Variants in CMIP observed in about 807,000 individuals in gnomAD.
CMIP encodes C-Maf-inducing protein.
Under a neutral mutation model 97.3 loss-of-function variants are expected in CMIP, and 13 were observed. The ratio of observed to expected loss-of-function variants is 0.13; its 90% CI spans 0.09 to 0.21. The LOEUF (loss-of-function observed/expected upper bound fraction) is 0.21. Among genes scored for constraint, CMIP ranks in the 10% least tolerant of loss-of-function variants. CMIP has a pLI of 1.00. For missense variants in CMIP, 847 were observed against 1,024.9 expected (o/e 0.83, Z 2.37); for synonymous variants, 538 against 436.3 (o/e 1.23, Z -2.91).
chr16:81,660,115 C>T (rs555216217), intron 5 of CMIP, among the ~76,000 whole-genome samples: 5 of 152,106 alleles, frequency 3.3e-5, no homozygotes, highest in South Asian at 4.2e-4. Flanking sequence ...AGCTGTGGTC[C>T]GGCTCACTAT....
chr16:81,531,653 C>T (rs2090238490), intron 1 of CMIP, among the ~76,000 whole-genome samples: 1 of 152,184 alleles, frequency 6.6e-6, no homozygotes, highest in Non-Finnish European at 1.5e-5. Flanking sequence ...CTGGGCCTGC[C>T]GCCCGACCTT....
chr16:81,652,158 C>G lies in CMIP; in HGVS notation c.478-45C>G, dbSNP rs2092435533. 6.6e-7 allele frequency: 1 copy of G among 1,508,960 alleles called. No individual in the cohort carries two copies. The highest frequency in any genetic ancestry group is 1.7e-5 in the Admixed American group (1 of 59,232). 93.5% of individuals were successfully genotyped at this position (1,508,960 alleles called of 1,614,324 possible). Reference sequence around the variant, plus strand: ...TGATTGTCTTCCATCTTCTGCCTTCCTTACGTGAGTAACATGTTGCTGTCT... The same window carrying G: ...TGATTGTCTTCCATCTTCTGCCTTCGTTACGTGAGTAACATGTTGCTGTCT... On this transcript the variant is annotated intron_variant, in intron 3 of 20. Coordinates refer to ENST00000537098, the MANE Select transcript of CMIP (RefSeq NM_198390.3). This position sits in a 1 kb window ranked among gnomAD's most constrained non-coding sequence, Gnocchi z 5.2.
Position 81,468,132 on chromosome 16 carries a change from C to T in CMIP, c.300+22591C>T, listed in dbSNP as rs112320935. Among the ~76,000 whole-genome samples, 322 of 152,262 alleles carry T rather than the reference C, an allele frequency of 2.1e-3. 1 individual carries two copies. Among genetic ancestry groups the T allele is most frequent in the Middle Eastern group, 0.017 (5 of 294 alleles). On this transcript the variant is annotated intron_variant, in intron 1 of 20. Transcript: ENST00000537098. ...AGTCTTTGAAATGCACGATCAGGGG[C>T]AACCTTTTGGGTAGCTTTTTGGAGC...
At position 81,614,393 on chromosome 16, in the gene CMIP, C is replaced by T. The variant is rs1409092335; in HGVS notation, c.427-6483C>T. The stretch of plus-strand genomic sequence containing the variant: ...GTGCACGGGTTCTCAGGGGCTCCCA[C>T]GCGCGGGCCACGGGTCACTTCAGCA... On this transcript the variant is annotated intron_variant, in intron 2 of 20. Coordinates refer to ENST00000537098, the MANE Select transcript of CMIP (RefSeq NM_198390.3). This position sits in a 1 kb window ranked among gnomAD's most constrained non-coding sequence, Gnocchi z 5.3. 2.6e-5 allele frequency among the ~76,000 whole-genome samples: 4 copies of T among 152,176 alleles called. No homozygotes were observed. Among genetic ancestry groups the T allele is most frequent in the Non-Finnish European group, 5.9e-5 (4 of 68,024 alleles).
At chr16:81,696,776 C>G (rs9933631) in intron 14 of CMIP, 109 bp downstream of exon 14, 7 of 999,676 alleles carry the variant, frequency 7.0e-6, no homozygotes, top group Non-Finnish European at 8.7e-6. Context: ...CGGAGTTTCC[C>G]GGCTAACACA....
intron 1 of CMIP, among the ~76,000 whole-genome samples, chr16:81,495,022 A>T (rs1205778626): frequency 6.6e-6 from 1 of 152,162 alleles, no homozygotes; most frequent in Non-Finnish European, 1.5e-5. Flanking sequence ...CACAATTCTG[A>T]TGACAAAACC....
At chr16:81,668,382 G>C (rs1384716829) in intron 7 of CMIP, among the ~76,000 whole-genome samples, 1 of 152,144 alleles carries the variant, frequency 6.6e-6, no homozygotes, top group African/African-American at 2.4e-5. Context: ...TGTCCGGCCC[G>C]TGCCTCTCTC....
intron 9 of CMIP, among the ~76,000 whole-genome samples, chr16:81,676,421 A>G (rs796302838): frequency 6.6e-6 from 1 of 151,586 alleles, no homozygotes; most frequent in Admixed American, 6.6e-5. Flanking sequence ...AGAACAGACA[A>G]CTTGACCCAG....
chr16:81,568,328 C>T (rs1417121712), intron 1 of CMIP, among the ~76,000 whole-genome samples: 5 of 152,296 alleles, frequency 3.3e-5, no homozygotes, highest in Non-Finnish European at 5.9e-5. Flanking sequence ...CCACTGCCTA[C>T]GTGCCTGCCC....
intron 1 of CMIP, among the ~76,000 whole-genome samples, chr16:81,449,468 C>T (rs1205032690): frequency 6.6e-6 from 1 of 152,236 alleles, no homozygotes; most frequent in Middle Eastern, 3.2e-3. Flanking sequence ...AAGAGTTACA[C>T]ATCCACATGG....
chr16:81,507,048 C>G (rs944657054), intron 1 of CMIP, among the ~76,000 whole-genome samples: 2 of 152,108 alleles, frequency 1.3e-5, no homozygotes, highest in South Asian at 2.1e-4. Context: ...GTCAGGAGAT[C>G]GAGACCATCC....
chr16:81,598,622 A>G (rs2091603540), intron 1 of CMIP, among the ~76,000 whole-genome samples: 3 of 152,294 alleles, frequency 2.0e-5, no homozygotes, highest in South Asian at 2.1e-4. Flanking sequence ...TTTACTTTAC[A>G]CATGGTTCTA....
chr16:81,601,720 C>T (rs375465998), intron 1 of CMIP, among the ~76,000 whole-genome samples: 5 of 152,184 alleles, frequency 3.3e-5, no homozygotes, highest in Admixed American at 2.0e-4. Flanking sequence ...ACCCATTCTC[C>T]AGCTCCCATG....
At chr16:81,663,605 G>C (rs1309348118) in intron 6 of CMIP, among the ~76,000 whole-genome samples, 1 of 152,196 alleles carries the variant, frequency 6.6e-6, no homozygotes, top group Non-Finnish European at 1.5e-5. Context: ...AGCACCAAGA[G>C]TGAACCCTAA....
At chr16:81,465,620 G>T (rs1907156485) in intron 1 of CMIP, among the ~76,000 whole-genome samples, 1 of 152,234 alleles carries the variant, frequency 6.6e-6, no homozygotes, top group South Asian at 2.1e-4. Context: ...TTGAATGAAC[G>T]AATGAGAGAA....
At chr16:81,634,901 G>A (rs2092214680) in intron 3 of CMIP, among the ~76,000 whole-genome samples, 1 of 152,172 alleles carries the variant, frequency 6.6e-6, no homozygotes, top group African/African-American at 2.4e-5. Context: ...AAACAACAGA[G>A]GCCCCTGTTG....
intron 20 of CMIP, among the ~76,000 whole-genome samples, chr16:81,708,705 T>C (rs1908430950): frequency 6.6e-6 from 1 of 152,198 alleles, no homozygotes; most frequent in African/African-American, 2.4e-5. Flanking sequence ...CTTCCCATTT[T>C]TCAAGAGAAC....
intron 2 of CMIP, among the ~76,000 whole-genome samples, chr16:81,613,871 C>G (rs1454302568): frequency 2.0e-5 from 3 of 152,180 alleles, no homozygotes; most frequent in Non-Finnish European, 4.4e-5. Flanking sequence ...CTCCATCTAT[C>G]CAATTCATTC....
intron 7 of CMIP, among the ~76,000 whole-genome samples, chr16:81,667,799 A>AGAGAGAGAGAGCGGGTGTGTGT: frequency 1.7e-5 from 1 of 58,096 alleles, no homozygotes; most frequent in Non-Finnish European, 3.2e-5. Flanking sequence ...AGAGAGAGAG[A>AGAGAGAGAGAGCGGGTGTGTGT]GTGTGTGTGT....
Sources: gnomAD v4.1 joint callset for allele counts (sites outside exome capture counted in the v4.1 genomes callset) on GRCh38, gnomAD v4.1.1 for gene constraint, Gnocchi (gnomAD v3.1) non-coding constraint, MANE v1.5 for transcripts, NCBI Gene and HGNC (gene_info 2026-07-23, HGNC 2026-07-21) for gene names.